Variants in NANOGNB observed in about 807,000 individuals in gnomAD.
NANOGNB encodes NANOG neighbor homeobox.
NANOGNB carries 30 observed loss-of-function variants against 25.0 expected under a neutral mutation model. That is an observed-to-expected ratio of 1.20 (90% confidence interval 0.90 to 1.63). The LOEUF (loss-of-function observed/expected upper bound fraction) is 1.63. Ranked by LOEUF, NANOGNB falls within the 40% of genes most tolerant of loss-of-function variation. NANOGNB has a pLI of 0.00. For synonymous variants in NANOGNB, 84 were observed against 62.1 expected, an observed-to-expected ratio of 1.35 and a Z score of -1.66; for missense variants, 200 against 188.1, an observed-to-expected ratio of 1.06 and a Z score of -0.37.
At chr12:7,766,585 GTTTTT>G (rs1386156372) in intron 1 of NANOGNB, among the ~76,000 whole-genome samples, 5 of 152,230 alleles carry the variant, frequency 3.3e-5, no homozygotes, top group Non-Finnish European at 7.4e-5. Flanking sequence ...CTTTTCTTTT[GTTTTT>G]GTTTCTTGAG....
chr12:7,774,113 G>A lies in NANOGNB; in HGVS notation c.*262G>A, dbSNP rs768139037. 1.5e-5 allele frequency: 4 copies of A among 273,202 alleles called. No homozygotes were observed. Among genetic ancestry groups the A allele is most frequent in the South Asian group, 1.3e-4 (1 of 7,774 alleles). 16.9% of individuals were successfully genotyped at this position (273,202 alleles called of 1,614,324 possible). On this transcript the variant is annotated 3_prime_UTR_variant, in exon 4 of 4. Transcript: ENST00000382119. The stretch of plus-strand genomic sequence containing the variant: ...TTGATTTTATTTAAGAAAAAAAATC[G>A]AGTCAAGGCCGGGCACAGTGGAGCA...
chr12:7,766,724 C>T (rs1865249506), intron 1 of NANOGNB, among the ~76,000 whole-genome samples: 1 of 152,108 alleles, frequency 6.6e-6, no homozygotes, highest in African/African-American at 2.4e-5. Context: ...GACGGGGTTT[C>T]ACCATGTTGG....
intron 3 of NANOGNB, among the ~76,000 whole-genome samples, chr12:7,773,149 G>A (rs1257843395): frequency 1.4e-5 from 2 of 147,766 alleles, no homozygotes; most frequent in Admixed American, 6.8e-5. Context: ...AAAGATGGGG[G>A]TCTCACTATG....
intron 3 of NANOGNB, among the ~76,000 whole-genome samples, chr12:7,771,458 A>G (rs1234799957): frequency 6.6e-6 from 1 of 152,044 alleles, no homozygotes; most frequent in Non-Finnish European, 1.5e-5. Context: ...TGACCTTGTG[A>G]TCCGCCTGCC....
intron 1 of NANOGNB, among the ~76,000 whole-genome samples, chr12:7,765,652 T>C (rs1488685054): frequency 6.7e-6 from 1 of 149,764 alleles, no homozygotes; most frequent in African/African-American, 2.5e-5. Flanking sequence ...ACAGATTGAG[T>C]TGAGCTATGA....
At position 7,773,793 on chromosome 12, in the gene NANOGNB, T is replaced by TTTTA; in HGVS notation, c.516-7_516-6insTTTA. On this transcript the variant is annotated splice_polypyrimidine_tract_variant and splice_region_variant and intron_variant, in intron 3 of 3. Coordinates refer to ENST00000382119, the MANE Select transcript of NANOGNB (RefSeq NM_001145465.1). Reference sequence around the variant, plus strand: ...AAACTCTTTTTTTTTTTTTTTTTTTTAAACAGATGGAGATCTCTGTGTTGC... The same window carrying TTTTA: ...AAACTCTTTTTTTTTTTTTTTTTTTTTTTAAAACAGATGGAGATCTCTGTGTTGC... 1.6e-6 allele frequency: 1 copy of TTTTA among 630,194 alleles called. No homozygotes were observed. Among genetic ancestry groups the TTTTA allele is most frequent in the Non-Finnish European group, 2.8e-6 (1 of 357,040 alleles). 39.0% of individuals were successfully genotyped at this position (630,194 alleles called of 1,614,324 possible).
Position 7,766,138 on chromosome 12 carries a change from A to C in NANOGNB, c.102+751A>C, listed in dbSNP as rs1476562770. 1.0e-5 allele frequency: 4 copies of C among 398,604 alleles called. No individual in the cohort carries two copies. The South Asian group carries it at 3.8e-4, about 38-fold the overall frequency. 24.7% of individuals were successfully genotyped at this position (398,604 alleles called of 1,614,324 possible). ...ATAAACTCTTTCAATGTGGAGAGAG[A>C]TCCCGATACTTCAGAAGCCCCTGAT... On this transcript the variant is annotated intron_variant, in intron 1 of 3. Coordinates refer to ENST00000382119, the MANE Select transcript of NANOGNB (RefSeq NM_001145465.1).
Position 7,772,385 on chromosome 12 carries a change from C to G in NANOGNB, c.516-1415C>G, listed in dbSNP as rs1287715560. On this transcript the variant is annotated intron_variant, in intron 3 of 3. Coordinates refer to ENST00000382119, the MANE Select transcript of NANOGNB (RefSeq NM_001145465.1). ...CTCTGTCTCCCAGGTTCATGCCATT[C>G]TTCTGCCCCAGCCTCCTGAGTAGCT... is the stretch of plus-strand genomic sequence containing the variant. Among the ~76,000 whole-genome samples, 3 of 151,946 alleles carry G rather than the reference C, an allele frequency of 2.0e-5. No individual in the cohort carries two copies. The East Asian group carries it at 5.8e-4, about 30-fold the overall frequency.
chr12:7,773,966 C>A lies in NANOGNB; in HGVS notation c.*115C>A. Reference sequence around the variant, plus strand: ...ATAAATGGAGTTCTGAAAGGATAAACAAGAAAACATTAACAGTCGTTGATT... The same window carrying A: ...ATAAATGGAGTTCTGAAAGGATAAAAAAGAAAACATTAACAGTCGTTGATT... On this transcript the variant is annotated 3_prime_UTR_variant, in exon 4 of 4. Transcript: ENST00000382119. 2.1e-6 allele frequency: 1 copy of A among 479,040 alleles called. No individual in the cohort carries two copies. The highest frequency in any genetic ancestry group is 3.7e-6 in the Non-Finnish European group (1 of 273,424). 29.7% of individuals were successfully genotyped at this position (479,040 alleles called of 1,614,324 possible).
In NANOGNB at chr12:7,770,040, G is replaced by A. The variant is rs1410560373; in HGVS notation, c.160G>A (p.Glu54Lys). The change falls in exon 2 of 4, where the codon GAA becomes AAA. Residue 54 changes from glutamate to lysine, a missense_variant. Transcript: ENST00000382119. The part of the protein sequence containing the change: ...DPEQSTGNYS[E>K]DEQNGKQKWR... ...AGAACAATCAACTGGAAATTACAGT[G>A]AAGATGAACAAAATGGAAAGCAGAA... 1.3e-6 allele frequency: 2 copies of A among 1,539,202 alleles called. No homozygotes were observed. Among genetic ancestry groups the A allele is most frequent in the Admixed American group, 2.1e-5 (1 of 48,092 alleles).
At chr12:7,771,669 G>A (rs1048927002) in intron 3 of NANOGNB, among the ~76,000 whole-genome samples, 1 of 151,944 alleles carries the variant, frequency 6.6e-6, no homozygotes, top group African/African-American at 2.4e-5. Context: ...CACCCAGGCT[G>A]GAGTGCAATG....
At position 7,774,079 on chromosome 12, in the gene NANOGNB, G is replaced by C. The variant is rs148911844; in HGVS notation, c.*228G>C. ...ACTGTAGATTTAAAGTTTTTATAAT[G>C]GATGTTAATTGATTTTATTTAAGAA... On this transcript the variant is annotated 3_prime_UTR_variant, in exon 4 of 4. Transcript: ENST00000382119. The C allele has an allele frequency of 5.7e-6, 2 of 351,468 alleles. No homozygotes were observed. The highest frequency in any genetic ancestry group is 2.1e-5 in the African/African-American group (1 of 47,146). 21.8% of individuals were successfully genotyped at this position (351,468 alleles called of 1,614,324 possible).
intron 1 of NANOGNB, among the ~76,000 whole-genome samples, chr12:7,768,596 G>A (rs1592109894): frequency 6.6e-6 from 1 of 151,946 alleles, no homozygotes; most frequent in Non-Finnish European, 1.5e-5. Context: ...CAGCTGGCAG[G>A]ATGTCAGCTC....
chr12:7,769,846 C>A, intron 1 of NANOGNB, 137 bp from the exon 2 acceptor site: 2 of 732,018 alleles, frequency 2.7e-6, no homozygotes, highest in South Asian at 2.0e-5. Context: ...TTTTTCTTTG[C>A]TCTATGTTTT....
At chr12:7,773,602 T>C (rs1862608065) in intron 3 of NANOGNB, among the ~76,000 whole-genome samples, 198 bp from the exon 4 acceptor site, 1 of 133,928 alleles carries the variant, frequency 7.5e-6, no homozygotes, top group Non-Finnish European at 1.5e-5. Flanking sequence ...GGCAGGTGCC[T>C]GTAATCCCAG....
Position 7,770,283 on chromosome 12 carries a change from C to A in NANOGNB, c.403C>A (p.Leu135Met). The A allele has an allele frequency of 6.5e-7, 1 of 1,532,640 alleles. No individual in the cohort carries two copies. Among genetic ancestry groups the A allele is most frequent in the Non-Finnish European group, 8.8e-7 (1 of 1,141,322 alleles). 94.9% of individuals were successfully genotyped at this position (1,532,640 alleles called of 1,614,324 possible). A position where few individuals can be genotyped will look rare whatever the true frequency, so the allele number is the denominator to read the frequency against. ...CCCCACTATACAAGAGAGTCTATCA[C>A]TGTCATTTGAATTTGACATGACACA... ...RCPTIQESLS[L>M]SFEFDMTHKQ... The change falls in exon 2 of 4, where the codon CTG (leucine) becomes ATG (methionine). Residue 135 changes from leucine (L) to methionine (M), a missense_variant. Physicochemically the swap from Leu to Met is conservative, Grantham distance 15. Transcript: ENST00000382119.
intron 3 of NANOGNB, among the ~76,000 whole-genome samples, chr12:7,772,280 A>G (rs1021376862): frequency 4.0e-5 from 6 of 151,816 alleles, no homozygotes; most frequent in Admixed American, 3.9e-4. Context: ...CACAGGTTAC[A>G]TGGGCTCTTT....
chr12:7,773,402 A>G (rs897350039), intron 3 of NANOGNB, among the ~76,000 whole-genome samples: 13 of 151,806 alleles, frequency 8.6e-5, no homozygotes, highest in African/African-American at 2.4e-5. Flanking sequence ...TGATGTGTAT[A>G]TTAAATATAT....
At position 7,771,381 on chromosome 12, in the gene NANOGNB, C is replaced by A. The variant is rs568807009; in HGVS notation, c.515+863C>A. Among the ~76,000 whole-genome samples the A allele has an allele frequency of 7.3e-3, 1,116 of 151,878 alleles. 5 individuals are homozygous for A. The highest frequency in any genetic ancestry group is 0.034 in the Middle Eastern group (10 of 294). On this transcript the variant is annotated intron_variant, in intron 3 of 3. Transcript: ENST00000382119. ...GACTACAGGCACCCACCACCACGCC[C>A]GGCTAATTTTTGTATTTTTAGTAGA...
Sources: allele counts gnomAD v4.1 joint callset (sites outside exome capture counted in the v4.1 genomes callset), GRCh38; gene constraint gnomAD v4.1.1; transcripts MANE v1.5; gene names NCBI Gene and HGNC (gene_info 2026-07-23, HGNC 2026-07-21).